ZNF213: variants seen among roughly 807,000 people sequenced by gnomAD.
ZNF213 encodes the protein putative transcription factor CR53.
ZNF213 carries 32 observed loss-of-function variants against 46.0 expected under a neutral mutation model. The ratio of observed to expected loss-of-function variants is 0.70; its 90% CI spans 0.52 to 0.93. The LOEUF is 0.93. Among genes scored for constraint, ZNF213 ranks in the 40% least tolerant of loss-of-function variants. The probability of loss-of-function intolerance (pLI) is 0.00; values close to 1 mark genes in which losing one functional copy is unlikely to be tolerated. For missense variants in ZNF213, 639 were observed against 652.8 expected (o/e 0.98, Z 0.23); for synonymous variants, 297 against 271.0 (o/e 1.10, Z -0.94).
Position 3,141,007 on chromosome 16 carries a change from G to T in ZNF213, c.1040G>T (p.Cys347Phe). 2 of 1,612,128 alleles carry T rather than the reference G, an allele frequency of 1.2e-6. No homozygotes were observed. Among genetic ancestry groups the T allele is most frequent in the Non-Finnish European group, 1.7e-6 (2 of 1,179,668 alleles). ...CACACGGGCGAGAAGCCACACAAGTGCCCTGAGTGCGACAAGAGCTTCCGC... is the reference window on the plus strand; with the variant it reads ...CACACGGGCGAGAAGCCACACAAGTTCCCTGAGTGCGACAAGAGCTTCCGC... ...RTHTGEKPHKCPECDKSFRSS... is the reference protein window; with the variant it reads ...RTHTGEKPHKFPECDKSFRSS... Residue 347 changes from cysteine to phenylalanine, a missense_variant, in exon 6 of 6, where the codon TGC becomes TTC. Physicochemically the swap from Cys to Phe is radical, Grantham distance 205. Transcript: ENST00000396878.
rs1317185103 is a variant in ZNF213 at position 3,142,491 on chromosome 16, A to G, written c.*1144A>G. ...ACTACCACCCCGCTCCATCATCACT[A>G]TGTCCAGCTCCGTCGGCACTACCAC... On this transcript the variant is annotated 3_prime_UTR_variant, in exon 6 of 6. Coordinates refer to ENST00000396878, the MANE Select transcript of ZNF213 (RefSeq NM_004220.3). 5.3e-6 allele frequency: 1 copy of G among 189,178 alleles called. No individual in the cohort carries two copies. The highest frequency in any genetic ancestry group is 1.1e-5 in the Non-Finnish European group (1 of 89,790). The allele number at this position is 189,178 out of a possible 1,614,324, so 11.7% of individuals were successfully genotyped here. A position where few individuals can be genotyped will look rare whatever the true frequency, so the allele number is the denominator to read the frequency against.
At chr16:3,138,327 G>A in intron 2 of ZNF213, 91 bp from the exon 3 acceptor site, 1 of 1,565,546 alleles carries the variant, frequency 6.4e-7, no homozygotes, top group Non-Finnish European at 8.6e-7. Context: ...AGCATCCTGA[G>A]GGTCATGTCC....
In ZNF213 at chr16:3,138,580, G is replaced by A. The variant is rs1343494676; in HGVS notation, c.523+39G>A. Reference sequence around the variant, plus strand: ...CGTTCTTGTGGACAGTCGAGTGGCTGGGCAGGGACCTAGCTTTGTCACCGG... The same window carrying A: ...CGTTCTTGTGGACAGTCGAGTGGCTAGGCAGGGACCTAGCTTTGTCACCGG... On this transcript the variant is annotated intron_variant, in intron 3 of 5. Transcript: ENST00000396878. 4.3e-6 allele frequency: 7 copies of A among 1,613,592 alleles called. No individual in the cohort carries two copies. The South Asian group carries it at 6.6e-5, about 15-fold the overall frequency.
chr16:3,138,606 C>T (rs899753581), intron 3 of ZNF213, 65 bp downstream of exon 3: 13 of 1,612,120 alleles, frequency 8.1e-6, no homozygotes, highest in Admixed American at 3.4e-5. Context: ...TTGTCACCGG[C>T]GTTGCCCTAA....
At position 3,137,234 on chromosome 16, in the gene ZNF213, TGG is replaced by T; in HGVS notation, c.-44_-43del. 12 of 1,529,462 alleles carry T rather than the reference TGG, an allele frequency of 7.8e-6. No homozygotes were observed. Among genetic ancestry groups the T allele is most frequent in the Non-Finnish European group, 9.6e-6 (11 of 1,141,892 alleles). The allele number at this position is 1,529,462 out of a possible 1,614,324, so 94.7% of individuals were successfully genotyped here. A position where few individuals can be genotyped will look rare whatever the true frequency, so the allele number is the denominator to read the frequency against. On this transcript the variant is annotated 5_prime_UTR_variant, in exon 2 of 6. Coordinates refer to ENST00000396878, the MANE Select transcript of ZNF213 (RefSeq NM_004220.3). Reference sequence around the variant, plus strand: ...TCTGGGAGACTGAAAGTACAGGTTCTGGGGCCCAGGTTGAAGCCGACCAACCC... The same window carrying T: ...TCTGGGAGACTGAAAGTACAGGTTCTGGCCCAGGTTGAAGCCGACCAACCC...
At position 3,141,133 on chromosome 16, in the gene ZNF213, C is replaced by G. The variant is rs770131969; in HGVS notation, c.1166C>G (p.Ala389Gly). 1 of 1,611,444 alleles carries G rather than the reference C, an allele frequency of 6.2e-7. No individual in the cohort carries two copies. The highest frequency in any genetic ancestry group is 1.1e-5 in the South Asian group (1 of 91,018). Residue 389 changes from alanine (A) to glycine (G), a missense_variant, in exon 6 of 6, where the codon GCC becomes GGC. Physicochemically the swap from Ala to Gly is moderately conservative, Grantham distance 60. Coordinates refer to ENST00000396878, the MANE Select transcript of ZNF213 (RefSeq NM_004220.3). ...GKSFSRSAYL[A>G]DHQRIHTGEK... Reference sequence around the variant, plus strand: ...AGCTTCAGCCGCAGCGCCTACCTGGCCGACCACCAGCGCATACACACGGGC... The same window carrying G: ...AGCTTCAGCCGCAGCGCCTACCTGGGCGACCACCAGCGCATACACACGGGC...
chr16:3,137,433 C>T lies in ZNF213; in HGVS notation c.153C>T (p.Phe51=), dbSNP rs1390292904. 1.2e-6 allele frequency: 2 copies of T among 1,614,032 alleles called. No homozygotes were observed. The highest frequency in any genetic ancestry group is 8.5e-7 in the Non-Finnish European group (1 of 1,180,040). Residue 51 remains phenylalanine, a synonymous_variant, in exon 2 of 6, where the codon TTC becomes TTT. Coordinates refer to ENST00000396878, the MANE Select transcript of ZNF213 (RefSeq NM_004220.3). The part of the protein sequence containing the change: ...SEACRQRFRQ[F]CYGDVHGPHE... ...CCTGCCGCCAGCGCTTCCGGCAATT[C>T]TGCTACGGGGATGTGCATGGGCCTC...
chr16:3,138,013 C>T (rs1280190093), intron 2 of ZNF213: 1 of 467,254 alleles, frequency 2.1e-6, no homozygotes, highest in Non-Finnish European at 3.8e-6. Flanking sequence ...GTGCATAGAG[C>T]CAGCTCCAGA....
At position 3,142,213 on chromosome 16, in the gene ZNF213, G is replaced by A. The variant is rs1596308474; in HGVS notation, c.*866G>A. On this transcript the variant is annotated 3_prime_UTR_variant, in exon 6 of 6. Transcript: ENST00000396878. ...GGCACCCTGCTCCATCGGCACTGGC[G>A]CCCTGCTCCATCGGCACTAATGCTC... The A allele has an allele frequency of 4.6e-6, 1 of 218,472 alleles. No homozygotes were observed. The highest frequency in any genetic ancestry group is 1.7e-4 in the East Asian group (1 of 5,750). 13.5% of individuals were successfully genotyped at this position (218,472 alleles called of 1,614,324 possible).
rs1957596438 is a variant in ZNF213, at chr16:3,140,978, C to T, written c.1011C>T (p.Arg337=). The T allele has an allele frequency of 6.2e-7, 1 of 1,609,330 alleles. No homozygotes were observed. The highest frequency in any genetic ancestry group is 8.5e-7 in the Non-Finnish European group (1 of 1,179,186). ...GCTCGGACCTGGCGCGGCACCAGCG[C>T]ACGCACACGGGCGAGAAGCCACACA... The part of the protein sequence containing the change: ...RWGSDLARHQ[R]THTGEKPHKC... The change falls in exon 6 of 6, where the codon CGC becomes CGT. Residue 337 remains arginine (R), a synonymous_variant. Transcript: ENST00000396878.
chr16:3,138,184 A>T (rs1957562602), intron 2 of ZNF213: 3 of 746,840 alleles, frequency 4.0e-6, no homozygotes, highest in Non-Finnish European at 6.1e-6. Context: ...AGTGGCTGTG[A>T]TTCTGGCCTT....
intron 4 of ZNF213, 63 bp downstream of exon 4, chr16:3,138,881 A>T (rs1483886791): frequency 3.7e-6 from 6 of 1,612,848 alleles, no homozygotes; most frequent in Admixed American, 3.3e-5. Flanking sequence ...GTAAAATGGG[A>T]CTTGCTGTCC....
rs183126770 is a variant in ZNF213, at chr16:3,137,026, A to G, written c.-115-140A>G. On this transcript the variant is annotated intron_variant, in intron 1 of 5. Coordinates refer to ENST00000396878, the MANE Select transcript of ZNF213 (RefSeq NM_004220.3). ...CTGTGTTAATAGGAGAGACAGTCAC[A>G]TGAGCAAGGCATTACAGTAAAGCCT... is the stretch of plus-strand genomic sequence containing the variant. 8.5e-5 allele frequency: 36 copies of G among 424,992 alleles called. No homozygotes were observed. In the Admixed American group the frequency reaches 1.1e-3, roughly 13 times the overall value. The allele number at this position is 424,992 out of a possible 1,614,324, so 26.3% of individuals were successfully genotyped here.
chr16:3,136,607 C>T (rs1051523217), intron 1 of ZNF213, among the ~76,000 whole-genome samples: 7 of 151,756 alleles, frequency 4.6e-5, no homozygotes, highest in African/African-American at 1.7e-4. Flanking sequence ...GTCCCAGCTA[C>T]TTGGGAGGCT....
chr16:3,138,941 G>C, intron 4 of ZNF213, 34 bp from the exon 5 acceptor site: 1 of 1,614,104 alleles, frequency 6.2e-7, no homozygotes, highest in South Asian at 1.1e-5. Flanking sequence ...GTGCTGCTGG[G>C]AGGCCTGAGC....
Position 3,141,134 on chromosome 16 carries a change from C to T in ZNF213, c.1167C>T (p.Ala389=). Residue 389 remains alanine, a synonymous_variant, in exon 6 of 6, where the codon GCC becomes GCT. Transcript: ENST00000396878. Reference sequence around the variant, plus strand: ...GCTTCAGCCGCAGCGCCTACCTGGCCGACCACCAGCGCATACACACGGGCG... The same window carrying T: ...GCTTCAGCCGCAGCGCCTACCTGGCTGACCACCAGCGCATACACACGGGCG... ...GKSFSRSAYL[A]DHQRIHTGEK... 2.5e-6 allele frequency: 4 copies of T among 1,611,042 alleles called. No individual in the cohort carries two copies. Among genetic ancestry groups the T allele is most frequent in the Non-Finnish European group, 3.4e-6 (4 of 1,179,126 alleles).
rs1283417321 is a variant in ZNF213, at chr16:3,140,966, G to A, written c.999G>A (p.Ala333=). The A allele has an allele frequency of 5.0e-6, 8 of 1,606,782 alleles. No homozygotes were observed. The African/African-American group carries it at 8.0e-5, about 16-fold the overall frequency. ...GKRFRWGSDL[A]RHQRTHTGEK... ...GCTTCCGCTGGGGCTCGGACCTGGCGCGGCACCAGCGCACGCACACGGGCG... is the reference window on the plus strand; with the variant it reads ...GCTTCCGCTGGGGCTCGGACCTGGCACGGCACCAGCGCACGCACACGGGCG... Residue 333 remains alanine (A), a synonymous_variant, in exon 6 of 6, where the codon GCG becomes GCA. Transcript: ENST00000396878.
rs1957574513 is a variant in ZNF213, at chr16:3,139,051, A to G, written c.674A>G (p.Asp225Gly). The change falls in exon 5 of 6, where the codon GAT (aspartate) becomes GGT (glycine). Residue 225 changes from aspartate (D) to glycine (G), a missense_variant. Coordinates refer to ENST00000396878, the MANE Select transcript of ZNF213 (RefSeq NM_004220.3). ...EWGTLDPAQR[D>G]LFWDIKRENS... Reference sequence around the variant, plus strand: ...GGCACCCTGGACCCTGCTCAGCGGGATCTCTTCTGGGACATAAAGCGGGAG... The same window carrying G: ...GGCACCCTGGACCCTGCTCAGCGGGGTCTCTTCTGGGACATAAAGCGGGAG... 1 of 1,613,954 alleles carries G rather than the reference A, an allele frequency of 6.2e-7. No homozygotes were observed. Among genetic ancestry groups the G allele is most frequent in the Non-Finnish European group, 8.5e-7 (1 of 1,179,976 alleles).
chr16:3,135,737 ATT>A (rs1448100482), intron 1 of ZNF213, among the ~76,000 whole-genome samples: 1 of 151,990 alleles, frequency 6.6e-6, no homozygotes, highest in Non-Finnish European at 1.5e-5. Flanking sequence ...GTACAATGGT[ATT>A]GAGGAAGGGA....
Sources: gnomAD v4.1 joint callset for allele counts (sites outside exome capture counted in the v4.1 genomes callset) on GRCh38, gnomAD v4.1.1 for gene constraint, MANE v1.5 for transcripts, NCBI Gene and HGNC (gene_info 2026-07-23, HGNC 2026-07-21) for gene names.